The following QTMAN variants were observed in gnomAD, a reference collection of about 807,000 sequenced individuals.
QTMAN encodes the protein queuosine-tRNA mannosyltransferase.
At chr2:144,270,982 C>T in the QTMAN span, among the ~76,000 whole-genome samples, 12 of 152,112 alleles carry the variant, frequency 7.9e-5, no homozygotes, top group Non-Finnish European at 1.6e-4. Flanking sequence ...TTTCCTTGAG[C>T]GGGGTTCACT....
the QTMAN span, among the ~76,000 whole-genome samples, chr2:144,308,153 T>C: frequency 1.3e-5 from 2 of 149,910 alleles, no homozygotes; most frequent in East Asian, 3.9e-4. Flanking sequence ...CACACATATA[T>C]GATTGGTTGT....
chr2:144,257,021 T>C, the QTMAN span, among the ~76,000 whole-genome samples: 6 of 145,954 alleles, frequency 4.1e-5, no homozygotes, highest in Admixed American at 2.8e-4. Flanking sequence ...AATACAGTGA[T>C]AGCAAATAAA....
chr2:144,302,610 C>T, the QTMAN span, among the ~76,000 whole-genome samples: 1 of 152,146 alleles, frequency 6.6e-6, no homozygotes, highest in South Asian at 2.1e-4. Flanking sequence ...CTGTTTCAGT[C>T]AATATTCAAT....
chr2:144,156,295 T>C, the QTMAN span, among the ~76,000 whole-genome samples: 3 of 152,148 alleles, frequency 2.0e-5, no homozygotes, highest in African/African-American at 7.2e-5. Flanking sequence ...TAACTTAGTA[T>C]CCCCAATGTT....
the QTMAN span, among the ~76,000 whole-genome samples, chr2:144,043,146 C>G: frequency 1.3e-5 from 2 of 152,014 alleles, no homozygotes; most frequent in Non-Finnish European, 2.9e-5. Context: ...GTCATTCATT[C>G]TGAAATGACC....
At chr2:144,289,811 C>T in the QTMAN span, among the ~76,000 whole-genome samples, 3 of 152,138 alleles carry the variant, frequency 2.0e-5, no homozygotes, top group Admixed American at 2.0e-4. Flanking sequence ...ACAAGAGACA[C>T]ACTTTATTTT....
the QTMAN span, among the ~76,000 whole-genome samples, chr2:143,989,644 C>T: frequency 6.6e-6 from 1 of 152,110 alleles, no homozygotes; most frequent in Non-Finnish European, 1.5e-5. Context: ...GCTGGAGATA[C>T]CCACACATAT....
the QTMAN span, chr2:144,294,458 CTG>C: frequency 4.6e-5 from 7 of 152,186 alleles, no homozygotes; most frequent in Non-Finnish European, 7.3e-5. Context: ...AGGCCAGAAA[CTG>C]TGTCAGGTCC....
the QTMAN span, among the ~76,000 whole-genome samples, chr2:144,182,841 TATATATATA>T: frequency 1.5e-5 from 1 of 66,140 alleles, no homozygotes; most frequent in African/African-American, 6.2e-5. Flanking sequence ...ATATATATAT[TATATATATA>T]TTTTATATAT....
chr2:143,952,115 C>T, the QTMAN span: 4 of 1,101,276 alleles, frequency 3.6e-6, no homozygotes, highest in South Asian at 5.0e-5. Context: ...ACAAAAACCT[C>T]AAAGCACACA....
At chr2:144,241,471 C>T in the QTMAN span, among the ~76,000 whole-genome samples, 2 of 152,176 alleles carry the variant, frequency 1.3e-5, no homozygotes, top group African/African-American at 4.8e-5. Context: ...TATAATTTAA[C>T]CCTTACAGGT....
chr2:143,963,283 T>C, the QTMAN span, among the ~76,000 whole-genome samples: 1 of 152,156 alleles, frequency 6.6e-6, no homozygotes, highest in Non-Finnish European at 1.5e-5. Flanking sequence ...TTGATGCTAT[T>C]GCAAACCTTT....
the QTMAN span, among the ~76,000 whole-genome samples, chr2:144,013,888 T>C: frequency 6.6e-6 from 1 of 152,242 alleles, no homozygotes; most frequent in South Asian, 2.1e-4. Context: ...AATTAAAAAA[T>C]CATGCTACCC....
At chr2:144,259,569 T>G in the QTMAN span, among the ~76,000 whole-genome samples, 4 of 152,208 alleles carry the variant, frequency 2.6e-5, no homozygotes, top group Non-Finnish European at 5.9e-5. Context: ...GACCAAGCAT[T>G]CTGGGGTTTT....
At chr2:144,065,590 G>C in the QTMAN span, among the ~76,000 whole-genome samples, 7 of 152,052 alleles carry the variant, frequency 4.6e-5, no homozygotes, top group Non-Finnish European at 1.5e-5. Context: ...TTCAGACCCA[G>C]GGGTGGTAAC....
At chr2:144,151,910 A>C in the QTMAN span, among the ~76,000 whole-genome samples, 1 of 152,218 alleles carries the variant, frequency 6.6e-6, no homozygotes, top group African/African-American at 2.4e-5. Flanking sequence ...AATGCTATGG[A>C]TATTCAAAAA....
At chr2:144,106,172 C>T in the QTMAN span, among the ~76,000 whole-genome samples, 2 of 152,120 alleles carry the variant, frequency 1.3e-5, no homozygotes, top group African/African-American at 4.8e-5. Flanking sequence ...TAAAGACCAT[C>T]GATGCTAGGA....
the QTMAN span, among the ~76,000 whole-genome samples, chr2:144,241,349 T>G: frequency 6.6e-6 from 1 of 152,342 alleles, no homozygotes; most frequent in East Asian, 1.9e-4. Flanking sequence ...TATATGACCC[T>G]TGGTCAGCTC....
At chr2:143,993,982 T>C in the QTMAN span, among the ~76,000 whole-genome samples, 23 of 152,210 alleles carry the variant, frequency 1.5e-4, no homozygotes, top group African/African-American at 5.3e-4. Flanking sequence ...TATACCCATC[T>C]CTCTTCCTGT....
Sources: allele counts gnomAD v4.1 joint callset (sites outside exome capture counted in the v4.1 genomes callset), GRCh38; gene constraint gnomAD v4.1.1; transcripts MANE v1.5; gene names NCBI Gene and HGNC (gene_info 2026-07-23, HGNC 2026-07-21).